The following PSMA3 variants were observed in gnomAD, a reference collection of about 807,000 sequenced individuals.
PSMA3 encodes proteasome subunit alpha type-3.
In PSMA3, 8 loss-of-function variants were observed where a neutral mutation model predicts 40.0. That is an observed-to-expected ratio of 0.20 (90% CI 0.12 to 0.36). The LOEUF is 0.36. PSMA3 is among the 10% of genes least tolerant of loss of function. The pLI is 1.00. For missense variants in PSMA3, 219 were observed against 310.6 expected (o/e 0.70, Z 2.22); for synonymous variants, 110 against 100.0 (o/e 1.10, Z -0.59).
chr14:58,244,968 A>G, intron 1 of PSMA3, 27 bp downstream of exon 1: 1 of 1,614,096 alleles, frequency 6.2e-7, no homozygotes, highest in African/African-American at 1.3e-5. Flanking sequence ...TCGGTGTAAT[A>G]GTTTAACCTA....
At chr14:58,249,214 C>A (rs1253868709) in intron 2 of PSMA3, among the ~76,000 whole-genome samples, 1 of 152,068 alleles carries the variant, frequency 6.6e-6, no homozygotes, top group African/African-American at 2.4e-5. Context: ...CCTGCCTCAG[C>A]CTCCCAAAGT....
At chr14:58,268,393 G>A (rs1409997975) in intron 8 of PSMA3, among the ~76,000 whole-genome samples, 2 of 152,068 alleles carry the variant, frequency 1.3e-5, no homozygotes. Flanking sequence ...ATTCCAATGG[G>A]CTCTATTGTT....
At chr14:58,252,324 C>A (rs991635886) in intron 3 of PSMA3, 82 bp downstream of exon 3, 8 of 1,491,498 alleles carry the variant, frequency 5.4e-6, no homozygotes, top group Non-Finnish European at 6.3e-6. Context: ...ACTGTGCAGT[C>A]ACAAAAGTAA....
In PSMA3 at chr14:58,261,080, TAA is replaced by T. The variant is rs1286013253; in HGVS notation, c.477+61_477+62del. 9 of 1,129,100 alleles carry T rather than the reference TAA, an allele frequency of 8.0e-6. No homozygotes were observed. In the South Asian group the frequency reaches 9.1e-5, roughly 11 times the overall value. 69.9% of individuals were successfully genotyped at this position (1,129,100 alleles called of 1,614,324 possible). ...AGTTTAATGGTATTTCATTAGCATT[TAA>T]GTCTCATTATAAGATTATATGAAAT... On this transcript the variant is annotated intron_variant, in intron 6 of 10. Transcript: ENST00000216455.
At chr14:58,254,270 G>C (rs1001338178) in intron 3 of PSMA3, among the ~76,000 whole-genome samples, 19 of 130,570 alleles carry the variant, frequency 1.5e-4, no homozygotes, top group Middle Eastern at 4.3e-3. Context: ...TAGCTAGTAG[G>C]AGGTGATCTT....
chr14:58,245,033 G>T, intron 1 of PSMA3, 92 bp downstream of exon 1: 2 of 1,569,454 alleles, frequency 1.3e-6, no homozygotes, highest in Non-Finnish European at 1.8e-6. Context: ...CGGACCCGGG[G>T]TGCTCTGAGA....
At chr14:58,257,101 CA>C (rs60421135) in intron 3 of PSMA3, among the ~76,000 whole-genome samples, 1,077 of 104,616 alleles carry the variant, frequency 0.01, 5 homozygotes, top group Middle Eastern at 0.025. Flanking sequence ...GACTCTGTCT[CA>C]AAAAAAAAAA....
At chr14:58,249,695 A>G (rs1889961208) in intron 2 of PSMA3, among the ~76,000 whole-genome samples, 1 of 151,954 alleles carries the variant, frequency 6.6e-6, no homozygotes, top group Admixed American at 6.6e-5. Flanking sequence ...TTGTAGAGAC[A>G]GGGTTTCACC....
At chr14:58,260,925 G>A in intron 5 of PSMA3, 23 bp from the exon 6 acceptor site, 1 of 1,549,962 alleles carries the variant, frequency 6.5e-7, no homozygotes, top group Non-Finnish European at 8.8e-7. Context: ...CATGGTTTAA[G>A]CTGTTTGTAT....
intron 1 of PSMA3, among the ~76,000 whole-genome samples, chr14:58,247,345 T>C (rs1013952013): frequency 2.6e-5 from 4 of 152,224 alleles, no homozygotes; most frequent in Admixed American, 1.3e-4. Flanking sequence ...TATAGTAACA[T>C]AATAGATACT....
chr14:58,260,910 A>C, intron 5 of PSMA3, 38 bp from the exon 6 acceptor site: 2 of 1,401,968 alleles, frequency 1.4e-6, no homozygotes, highest in Non-Finnish European at 2.0e-6. Context: ...CTTTTATGTT[A>C]TTGCCATGGT....
intron 3 of PSMA3, among the ~76,000 whole-genome samples, chr14:58,254,148 A>T (rs929803494): frequency 2.0e-5 from 3 of 150,926 alleles, no homozygotes; most frequent in Non-Finnish European, 2.9e-5. Flanking sequence ...AAGAGAGAAC[A>T]TGTGGTTTTT....
In PSMA3 at chr14:58,263,832, C is replaced by A. The variant is rs1317341643; in HGVS notation, c.543+62C>A. On this transcript the variant is annotated intron_variant, in intron 7 of 10. Transcript: ENST00000216455. ...TCCTAATGCAGTGAAATTTTATCAC[C>A]ACAGACATTTCAGTCTAAGGCAGGG... 3 of 1,460,294 alleles carry A rather than the reference C, an allele frequency of 2.1e-6. No individual in the cohort carries two copies. In the South Asian group the frequency reaches 3.4e-5, roughly 17 times the overall value. 90.5% of individuals were successfully genotyped at this position (1,460,294 alleles called of 1,614,324 possible).
intron 5 of PSMA3, chr14:58,258,567 C>T (rs1351495285): frequency 6.6e-6 from 1 of 151,208 alleles, no homozygotes; most frequent in African/African-American, 2.4e-5. Context: ...GTGTTAGTCC[C>T]TGATATTCTT....
Position 58,257,952 on chromosome 14 carries a change from G to A in PSMA3, c.358G>A (p.Val120Met). The A allele has an allele frequency of 6.2e-7, 1 of 1,613,886 alleles. No individual in the cohort carries two copies. The highest frequency in any genetic ancestry group is 1.1e-5 in the South Asian group (1 of 91,074). ...KHLADRVAMY[V>M]HAYTLYSAVR... ...TCTTGCAGACAGAGTGGCCATGTAT[G>A]TGCATGCATATACACTCTACAGTGC... is the stretch of plus-strand genomic sequence containing the variant. The change falls in exon 5 of 11, where the codon GTG becomes ATG. Residue 120 changes from valine to methionine, a missense_variant. By Grantham distance (21) the Val-to-Met change is conservative. Transcript: ENST00000216455.
intron 2 of PSMA3, among the ~76,000 whole-genome samples, chr14:58,250,350 G>C (rs1317242376): frequency 5.3e-5 from 8 of 152,048 alleles, no homozygotes; most frequent in Non-Finnish European, 1.0e-4. Context: ...TGTACTGCTT[G>C]AGTTCAACTA....
At chr14:58,251,160 ATTGC>A (rs1171653488) in intron 2 of PSMA3, among the ~76,000 whole-genome samples, 1 of 152,216 alleles carries the variant, frequency 6.6e-6, no homozygotes, top group Non-Finnish European at 1.5e-5. Flanking sequence ...ACAATCAAGC[ATTGC>A]TTATTTTGTC....
intron 6 of PSMA3, among the ~76,000 whole-genome samples, chr14:58,261,689 C>T (rs757905834): frequency 9.9e-5 from 15 of 152,070 alleles, no homozygotes; most frequent in Non-Finnish European, 1.5e-4. Context: ...TCACTTCAGC[C>T]TCTCAACTCC....
At chr14:58,245,818 C>T (rs1213071717) in intron 1 of PSMA3, among the ~76,000 whole-genome samples, 1 of 152,180 alleles carries the variant, frequency 6.6e-6, no homozygotes, top group African/African-American at 2.4e-5. Flanking sequence ...GATTCTCATG[C>T]TCAGCCTTAA....
Sources: allele counts gnomAD v4.1 joint callset (sites outside exome capture counted in the v4.1 genomes callset), GRCh38; gene constraint gnomAD v4.1.1; transcripts MANE v1.5; gene names NCBI Gene and HGNC (gene_info 2026-07-23, HGNC 2026-07-21).